Variants in NEFH observed in about 807,000 individuals in gnomAD.
NEFH encodes the protein neurofilament heavy polypeptide.
A neutral mutation model predicts 56.6 loss-of-function variants in NEFH; 58 were observed. The observed-to-expected ratio is 1.03, with a 90% CI of 0.83 to 1.28. NEFH has a LOEUF of 1.28. NEFH is among the 50% of genes most tolerant of loss of function. The pLI is 0.00. For synonymous variants in NEFH, 542 were observed against 545.8 expected (o/e 0.99, Z 0.10); for missense variants, 1,221 against 1,307.6 (o/e 0.93, Z 1.02).
In NEFH at chr22:29,489,817, T is replaced by A. The variant is rs1347401042; in HGVS notation, c.2177T>A (p.Val726Glu). 1.3e-6 allele frequency: 2 copies of A among 1,563,110 alleles called. No individual in the cohort carries two copies. The highest frequency in any genetic ancestry group is 1.6e-5 in the African/African-American group (1 of 62,074). ...AKSPEKAKSP[V>E]KEEAKTPEKA... ...TCCCCTGAGAAGGCCAAGTCCCCAG[T>A]GAAGGAAGAAGCAAAGACCCCCGAG... Residue 726 changes from valine (V) to glutamate (E), a missense_variant, in exon 4 of 4, where the codon GTG becomes GAG. Val to Glu is a moderately radical substitution (Grantham distance 121, BLOSUM62 -2). Transcript: ENST00000310624.
At position 29,481,060 on chromosome 22, in the gene NEFH, C is replaced by G; in HGVS notation, c.798C>G (p.Asp266Glu). The G allele has an allele frequency of 6.5e-7, 1 of 1,531,952 alleles. No homozygotes were observed. The highest frequency in any genetic ancestry group is 8.7e-7 in the Non-Finnish European group (1 of 1,145,648). 94.9% of individuals were successfully genotyped at this position (1,531,952 alleles called of 1,614,324 possible). Residue 266 changes from aspartate (D) to glutamate (E), a missense_variant, in exon 1 of 4, where the codon GAC becomes GAG. By Grantham distance (45) the Asp-to-Glu change is conservative. Coordinates refer to ENST00000310624, the MANE Select transcript of NEFH (RefSeq NM_021076.4). The stretch of plus-strand genomic sequence containing the variant: ...AGACGCGCGACGCCCTGAAGTGCGA[C>G]GTGACGTCGGCGCTGCGCGAGATTC... ...QAETRDALKCDVTSALREIRA... is the reference protein window; with the variant it reads ...QAETRDALKCEVTSALREIRA...
intron 1 of NEFH, among the ~76,000 whole-genome samples, chr22:29,481,745 G>A (rs955166078): frequency 3.9e-5 from 6 of 152,116 alleles, no homozygotes; most frequent in Non-Finnish European, 7.3e-5. Flanking sequence ...TGCCTGTGGC[G>A]GAGGTGGCTG....
intron 2 of NEFH, 143 bp from the exon 3 acceptor site, chr22:29,485,580 T>A: frequency 1.0e-6 from 1 of 971,600 alleles, no homozygotes; most frequent in Non-Finnish European, 1.6e-6. Context: ...ATGAGGACCC[T>A]ACAGCTCTGG....
chr22:29,482,159 G>C (rs1053357510), intron 1 of NEFH, among the ~76,000 whole-genome samples: 1 of 152,192 alleles, frequency 6.6e-6, no homozygotes, highest in African/African-American at 2.4e-5. Flanking sequence ...CTGGGATTTT[G>C]ATGCATAGCT....
At position 29,481,103 on chromosome 22, in the gene NEFH, C is replaced by G. The variant is rs1273432668; in HGVS notation, c.841C>G (p.His281Asp). The change falls in exon 1 of 4, where the codon CAC becomes GAC. Residue 281 changes from histidine (H) to aspartate (D), a missense_variant. By Grantham distance (81) the His-to-Asp change is moderately conservative. Transcript: ENST00000310624. ...LREIRAQLEG[H>D]AVQSTLQSEE... Reference sequence around the variant, plus strand: ...CGAGATTCGCGCGCAGCTTGAAGGCCACGCGGTGCAGAGCACGCTGCAGTC... The same window carrying G: ...CGAGATTCGCGCGCAGCTTGAAGGCGACGCGGTGCAGAGCACGCTGCAGTC... The G allele has an allele frequency of 6.5e-6, 10 of 1,531,832 alleles. No individual in the cohort carries two copies. Among genetic ancestry groups the G allele is most frequent in the Non-Finnish European group, 7.9e-6 (9 of 1,145,856 alleles). The allele number at this position is 1,531,832 out of a possible 1,614,324, so 94.9% of individuals were successfully genotyped here.
Position 29,480,276 on chromosome 22 carries a change from G to T in NEFH, c.14G>T (p.Gly5Val). The T allele has an allele frequency of 6.6e-7, 1 of 1,510,476 alleles. No individual in the cohort carries two copies. The highest frequency in any genetic ancestry group is 8.8e-7 in the Non-Finnish European group (1 of 1,138,356). The allele number at this position is 1,510,476 out of a possible 1,614,324, so 93.6% of individuals were successfully genotyped here. A position where few individuals can be genotyped will look rare whatever the true frequency, so the allele number is the denominator to read the frequency against. Residue 5 changes from glycine (G) to valine (V), a missense_variant, in exon 1 of 4, where the codon GGC becomes GTC. This residue lies in a region of NEFH where 640 missense variants were observed against 555.5 expected (regional missense o/e 1.15). Transcript: ENST00000310624. ...CCTGCTCAGGCCATGATGAGCTTCG[G>T]CGGCGCGGACGCGCTGCTGGGCGCC... MMSF[G>V]GADALLGAPF... is the part of the protein sequence containing the mutation.
intron 2 of NEFH, among the ~76,000 whole-genome samples, chr22:29,485,169 C>T (rs1350643099): frequency 6.6e-6 from 1 of 152,152 alleles, no homozygotes; most frequent in Non-Finnish European, 1.5e-5. Context: ...GTGGTATGAT[C>T]TTGGCTCACT....
chr22:29,481,016 C>A lies in NEFH; in HGVS notation c.754C>A (p.Gln252Lys). 6.5e-7 allele frequency: 1 copy of A among 1,531,676 alleles called. No homozygotes were observed. The highest frequency in any genetic ancestry group is 1.4e-5 in the African/African-American group (1 of 72,776). The allele number at this position is 1,531,676 out of a possible 1,614,324, so 94.9% of individuals were successfully genotyped here. A position where few individuals can be genotyped will look rare whatever the true frequency, so the allele number is the denominator to read the frequency against. Residue 252 changes from glutamine (Q) to lysine (K), a missense_variant, in exon 1 of 4, where the codon CAG becomes AAG. Around this residue, in one of 4 missense-constraint regions of NEFH, gnomAD observed 640 missense variants for 555.5 expected, o/e 1.15. Coordinates refer to ENST00000310624, the MANE Select transcript of NEFH (RefSeq NM_021076.4). ...CCAGATCCAGGGCTCCGGCGCCGCG[C>A]AGGCGCAGATGCAGGCCGAGACGCG... ...LGQIQGSGAA[Q>K]AQMQAETRDA...
intron 3 of NEFH, among the ~76,000 whole-genome samples, chr22:29,488,202 A>G (rs951033068): frequency 1.3e-5 from 2 of 152,156 alleles, no homozygotes; most frequent in African/African-American, 4.8e-5. Flanking sequence ...CGTCTCTACT[A>G]AAAATACAAA....
At position 29,491,185 on chromosome 22, in the gene NEFH, G is replaced by A; in HGVS notation, c.*482G>A. The A allele has an allele frequency of 3.9e-6, 1 of 258,574 alleles. No homozygotes were observed. Among genetic ancestry groups the A allele is most frequent in the South Asian group, 4.7e-5 (1 of 21,100 alleles). The allele number at this position is 258,574 out of a possible 1,614,324, so 16.0% of individuals were successfully genotyped here. A position where few individuals can be genotyped will look rare whatever the true frequency, so the allele number is the denominator to read the frequency against. On this transcript the variant is annotated 3_prime_UTR_variant, in exon 4 of 4. Transcript: ENST00000310624. ...CTCTCTATTCTGGAAGAGCGGTCCA[G>A]GTGGGGCCGGGGACTGGCCACTGAA...
In NEFH at chr22:29,489,337, C is replaced by G. The variant is rs779392800; in HGVS notation, c.1697C>G (p.Ser566Cys). Residue 566 changes from serine (S) to cysteine (C), a missense_variant, in exon 4 of 4, where the codon TCC (serine) becomes TGC (cysteine). Physicochemically the swap from Ser to Cys is moderately radical, Grantham distance 112. Around this residue, in one of 4 missense-constraint regions of NEFH, gnomAD observed 243 missense variants for 299.1 expected, o/e 0.81. Coordinates refer to ENST00000310624, the MANE Select transcript of NEFH (RefSeq NM_021076.4). ...GCAAAGTCACCGCCTGAGGCCAAGT[C>G]CCCAGAGAAGGAGGAAGCAAAATCT... The part of the protein sequence containing the change: ...EEAKSPPEAK[S>C]PEKEEAKSPA... 1.2e-6 allele frequency: 2 copies of G among 1,613,254 alleles called. No homozygotes were observed. The highest frequency in any genetic ancestry group is 2.7e-5 in the African/African-American group (2 of 74,642).
rs754685037 is a variant in NEFH, at chr22:29,491,057, C to T, written c.*354C>T. The T allele has an allele frequency of 3.1e-5, 12 of 391,426 alleles. No individual in the cohort carries two copies. The highest frequency in any genetic ancestry group is 1.5e-4 in the African/African-American group (7 of 48,218). 24.2% of individuals were successfully genotyped at this position (391,426 alleles called of 1,614,324 possible). On this transcript the variant is annotated 3_prime_UTR_variant, in exon 4 of 4. Transcript: ENST00000310624. The stretch of plus-strand genomic sequence containing the variant: ...TCTATGTGCAACTGACAGATGACCG[C>T]AATAATGAATGAGCAGTTAGAAATA...
Position 29,489,805 on chromosome 22 carries a change from C to G in NEFH, c.2165C>G (p.Ala722Gly). Residue 722 changes from alanine (A) to glycine (G), a missense_variant, in exon 4 of 4, where the codon GCC (alanine) becomes GGC (glycine). Physicochemically the swap from Ala to Gly is moderately conservative, Grantham distance 60. This residue lies in a region of NEFH where 301 missense variants were observed against 346.6 expected (regional missense o/e 0.87). Transcript: ENST00000310624. The part of the protein sequence containing the change: ...VKEEAKSPEK[A>G]KSPVKEEAKT... ...GAAGAAGCAAAGTCCCCTGAGAAGG[C>G]CAAGTCCCCAGTGAAGGAAGAAGCA... The G allele has an allele frequency of 1.2e-6, 2 of 1,611,758 alleles. No individual in the cohort carries two copies. Among genetic ancestry groups the G allele is most frequent in the Non-Finnish European group, 1.7e-6 (2 of 1,179,462 alleles).
intron 3 of NEFH, among the ~76,000 whole-genome samples, chr22:29,486,310 C>T (rs1194001232): frequency 6.6e-6 from 1 of 152,004 alleles, no homozygotes; most frequent in Non-Finnish European, 1.5e-5. Flanking sequence ...CAGGCGAGAG[C>T]CACCATGACC....
In NEFH at chr22:29,480,768, T is replaced by A. The variant is rs1020250137; in HGVS notation, c.506T>A (p.Leu169Gln). The stretch of plus-strand genomic sequence containing the variant: ...GGCGCGGCGCGCGGTCAGCTACGCC[T>A]GGAGCAGGAGCACCTGCTCGAGGAC... ...RLGAARGQLRLEQEHLLEDIA... is the reference protein window; with the variant it reads ...RLGAARGQLRQEQEHLLEDIA... The change falls in exon 1 of 4, where the codon CTG becomes CAG. Residue 169 changes from leucine (L) to glutamine (Q), a missense_variant. Leu to Gln is a moderately radical substitution (Grantham distance 113). Coordinates refer to ENST00000310624, the MANE Select transcript of NEFH (RefSeq NM_021076.4). 5 of 1,444,648 alleles carry A rather than the reference T, an allele frequency of 3.5e-6. No homozygotes were observed. The highest frequency in any genetic ancestry group is 3.6e-6 in the Non-Finnish European group (4 of 1,110,610). The allele number at this position is 1,444,648 out of a possible 1,614,324, so 89.5% of individuals were successfully genotyped here. A position where few individuals can be genotyped will look rare whatever the true frequency, so the allele number is the denominator to read the frequency against.
chr22:29,489,929 T>G lies in NEFH; in HGVS notation c.2289T>G (p.Ser763=), dbSNP rs2063070028. 1 of 1,611,116 alleles carries G rather than the reference T, an allele frequency of 6.2e-7. No individual in the cohort carries two copies. The highest frequency in any genetic ancestry group is 8.5e-7 in the Non-Finnish European group (1 of 1,179,472). The part of the protein sequence containing the change: ...PEKAKTLDVK[S]PEAKTPAKEE... ...AGGCCAAGACTCTTGATGTGAAGTCTCCAGAAGCCAAGACTCCAGCGAAGG... is the reference window on the plus strand; with the variant it reads ...AGGCCAAGACTCTTGATGTGAAGTCGCCAGAAGCCAAGACTCCAGCGAAGG... The change falls in exon 4 of 4, where the codon TCT becomes TCG. Residue 763 remains serine (S), a synonymous_variant. Coordinates refer to ENST00000310624, the MANE Select transcript of NEFH (RefSeq NM_021076.4).
chr22:29,481,163 T>TGGGG lies in NEFH; in HGVS notation c.883+21_883+24dup. 9.6e-7 allele frequency: 1 copy of TGGGG among 1,038,782 alleles called. No homozygotes were observed. The highest frequency in any genetic ancestry group is 2.8e-5 in the Admixed American group (1 of 35,892). 64.3% of individuals were successfully genotyped at this position (1,038,782 alleles called of 1,614,324 possible). ...GTTCCGAGGTACGCAGGCGCGCGGG[T>TGGGG]GGGGGGAGGGGCGCCCCTGCTGACC... On this transcript the variant is annotated intron_variant, in intron 1 of 3. Transcript: ENST00000310624.
chr22:29,482,412 A>G (rs1196903109), intron 1 of NEFH, among the ~76,000 whole-genome samples: 1 of 152,114 alleles, frequency 6.6e-6, no homozygotes, highest in Non-Finnish European at 1.5e-5. Context: ...CCAGACCTCC[A>G]CTGCCTCTGG....
Position 29,483,524 on chromosome 22 carries a change from C to T in NEFH, c.1033C>T (p.Gln345Ter). Residue 345 changes from glutamine to a stop codon, truncating the protein, a stop_gained, in exon 2 of 4, where the codon CAG becomes TAG. Coordinates refer to ENST00000310624, the MANE Select transcript of NEFH (RefSeq NM_021076.4). LOFTEE classifies it high-confidence loss of function. ...AAGCACCAAGGACTCACTGGAGAGG[C>T]AGCGCTCTGAGCTGGAGGACCGTCA... ...LKSTKDSLER[Q>*]RSELEDRHQA... 1.2e-6 allele frequency: 2 copies of T among 1,613,942 alleles called. No individual in the cohort carries two copies. The highest frequency in any genetic ancestry group is 1.7e-6 in the Non-Finnish European group (2 of 1,180,034).
Sources: gnomAD v4.1 joint callset for allele counts (sites outside exome capture counted in the v4.1 genomes callset) on GRCh38, gnomAD v4.1.1 for gene constraint, gnomAD v4.1.1 regional missense constraint, MANE v1.5 for transcripts, NCBI Gene and HGNC (gene_info 2026-07-23, HGNC 2026-07-21) for gene names.